Variants in PCNT observed in about 807,000 individuals in gnomAD.
PCNT encodes the protein pericentrin.
In PCNT, 319 loss-of-function variants were observed where a neutral mutation model predicts 380.4. That is an observed-to-expected ratio of 0.84 (90% confidence interval 0.77 to 0.92). The LOEUF is 0.92. Among genes scored for constraint, PCNT ranks in the 40% least tolerant of loss-of-function variants. The pLI, the probability that PCNT is intolerant of heterozygous loss-of-function variation, is 0.00. For synonymous variants in PCNT, 1,845 were observed against 1,735.2 expected, an observed-to-expected ratio of 1.06 and a Z score of -1.57; for missense variants, 4,400 against 4,255.3, an observed-to-expected ratio of 1.03 and a Z score of -0.95.
In PCNT at chr21:46,363,575, G is replaced by T. The variant is rs749527537; in HGVS notation, c.2250G>T (p.Thr750=). The T allele has an allele frequency of 1.4e-5, 22 of 1,614,144 alleles. No homozygotes were observed. The Admixed American group carries it at 3.0e-4, about 22-fold the overall frequency. The change falls in exon 14 of 47, where the codon ACG becomes ACT. Residue 750 remains threonine (T), a synonymous_variant. Transcript: ENST00000359568. ...AACAGGAATTCCAAAGAAAAGAAAC[G>T]GACTGGAAAGTTATGAAGGAGGAGC... ...LMKQEFQRKE[T]DWKVMKEELQ...
Position 46,355,475 on chromosome 21 carries a change from G to C in PCNT, c.1785G>C (p.Ala595=), listed in dbSNP as rs887014065. 2.5e-6 allele frequency: 4 copies of C among 1,613,870 alleles called. No individual in the cohort carries two copies. Among genetic ancestry groups the C allele is most frequent in the Non-Finnish European group, 3.4e-6 (4 of 1,180,022 alleles). Residue 595 remains alanine (A), a synonymous_variant, in exon 12 of 47, where the codon GCG becomes GCC. Transcript: ENST00000359568. ...RHKESLPRFQ[A]ELEESHRHQL... ...AGGAGAGCCTGCCACGCTTCCAGGCGGAGTTAGAAGAAAGCCACAGGCACC... is the reference window on the plus strand; with the variant it reads ...AGGAGAGCCTGCCACGCTTCCAGGCCGAGTTAGAAGAAAGCCACAGGCACC...
chr21:46,325,141 C>T (rs2083331794), intron 1 of PCNT: 3 of 985,530 alleles, frequency 3.0e-6, no homozygotes, highest in Non-Finnish European at 2.4e-6. Flanking sequence ...GAGCCCATGA[C>T]TCGGGGGCAG....
chr21:46,375,902 C>T (rs1053129093), intron 15 of PCNT, among the ~76,000 whole-genome samples: 3 of 152,230 alleles, frequency 2.0e-5, no homozygotes, highest in Non-Finnish European at 4.4e-5. Context: ...CCCCTGGGTG[C>T]GAGGCGGTAC....
At chr21:46,363,053 G>A (rs1004963846) in intron 13 of PCNT, among the ~76,000 whole-genome samples, 47 of 152,176 alleles carry the variant, frequency 3.1e-4, no homozygotes, top group African/African-American at 9.6e-4. Flanking sequence ...CTGGGCATCC[G>A]ATCATGCTTG....
At chr21:46,428,669 G>A in intron 35 of PCNT, 79 bp downstream of exon 35, 1 of 1,278,694 alleles carries the variant, frequency 7.8e-7, no homozygotes, top group Non-Finnish European at 1.1e-6. Context: ...GGCCTTGGGA[G>A]CAGAGGGTGG....
intron 1 of PCNT, among the ~76,000 whole-genome samples, chr21:46,324,537 G>T (rs1270614624): frequency 2.7e-5 from 3 of 111,878 alleles, no homozygotes; most frequent in Non-Finnish European, 5.7e-5. Context: ...CCTCTCGGGC[G>T]GGCCGGGGCG....
Position 46,445,533 on chromosome 21 carries a change from T to A in PCNT, c.*206T>A. On this transcript the variant is annotated 3_prime_UTR_variant, in exon 47 of 47. Transcript: ENST00000359568. ...GCATTTTCTATGGAGCCTCCGTATG[T>A]TTTAGGCCCATGACCTTCGTGAGGT... 1 of 610,108 alleles carries A rather than the reference T, an allele frequency of 1.6e-6. No individual in the cohort carries two copies. The highest frequency in any genetic ancestry group is 2.9e-6 in the Non-Finnish European group (1 of 341,246). 37.8% of individuals were successfully genotyped at this position (610,108 alleles called of 1,614,324 possible).
At chr21:46,354,178 G>T in intron 11 of PCNT, 110 bp downstream of exon 11, 1 of 993,658 alleles carries the variant, frequency 1.0e-6, no homozygotes, top group Non-Finnish European at 1.6e-6. Flanking sequence ...CTTGTCCAGG[G>T]GAGGAAGGCT....
Position 46,388,859 on chromosome 21 carries a change from G to T in PCNT, c.3582G>T (p.Ala1194=), listed in dbSNP as rs770777453. ...GERVGLCLDD[A]GAGLALSTAP... is the part of the protein sequence containing the mutation. Reference sequence around the variant, plus strand: ...GCGTGGGGCTCTGCCTGGATGACGCGGGCGCAGGCCTGGCCCTGTCGACAG... The same window carrying T: ...GCGTGGGGCTCTGCCTGGATGACGCTGGCGCAGGCCTGGCCCTGTCGACAG... Residue 1194 remains alanine (A), a synonymous_variant, in exon 18 of 47, where the codon GCG becomes GCT. Coordinates refer to ENST00000359568, the MANE Select transcript of PCNT (RefSeq NM_006031.6). This position sits in a 1 kb window ranked among gnomAD's most constrained non-coding sequence, Gnocchi z 4.2. 3.1e-6 allele frequency: 5 copies of T among 1,608,242 alleles called. No individual in the cohort carries two copies. Among genetic ancestry groups the T allele is most frequent in the South Asian group, 1.1e-5 (1 of 90,910 alleles).
intron 15 of PCNT, among the ~76,000 whole-genome samples, chr21:46,380,362 A>G (rs550020245): frequency 2.7e-5 from 4 of 145,566 alleles, no homozygotes; most frequent in African/African-American, 1.1e-4. Flanking sequence ...GGGTTTCACC[A>G]TGTTAGCCAG....
intron 9 of PCNT, 71 bp downstream of exon 9, chr21:46,351,611 A>G (rs186972956): frequency 6.0e-5 from 56 of 927,816 alleles, no homozygotes; most frequent in Non-Finnish European, 8.8e-5. Flanking sequence ...TTGTAACACC[A>G]AGCCAGAATT....
intron 13 of PCNT, among the ~76,000 whole-genome samples, chr21:46,361,281 C>T (rs1050318723): frequency 3.3e-5 from 5 of 152,198 alleles, no homozygotes; most frequent in Admixed American, 6.5e-5. Context: ...ATCCCAGCTA[C>T]TCGGGGGCCT....
chr21:46,436,303 G>A lies in PCNT; in HGVS notation c.8996+155G>A, dbSNP rs1049458117. Among the ~76,000 whole-genome samples the A allele has an allele frequency of 2.6e-5, 4 of 152,200 alleles. No homozygotes were observed. In the South Asian group the frequency reaches 6.2e-4, roughly 24 times the overall value. Reference sequence around the variant, plus strand: ...TTCTGAGACTTTGCTGAGGGATTCCGGATTGGCAAGATGGCATGTTCATAT... The same window carrying A: ...TTCTGAGACTTTGCTGAGGGATTCCAGATTGGCAAGATGGCATGTTCATAT... On this transcript the variant is annotated intron_variant, in intron 39 of 46. Transcript: ENST00000359568.
intron 29 of PCNT, among the ~76,000 whole-genome samples, chr21:46,413,994 CTTTTT>C (rs5844268): frequency 7.2e-6 from 1 of 139,026 alleles, no homozygotes. Flanking sequence ...TTTTTTCTCT[CTTTTT>C]TTTTTTTTTT....
At chr21:46,346,299 C>G (rs2084065283) in intron 4 of PCNT, 91 bp downstream of exon 4, 1 of 667,686 alleles carries the variant, frequency 1.5e-6, no homozygotes, top group Non-Finnish European at 2.7e-6. Flanking sequence ...GGGGTGGGCG[C>G]TGCCATCTCC....
At chr21:46,342,983 T>C (rs1015779956) in intron 3 of PCNT, among the ~76,000 whole-genome samples, 2 of 152,200 alleles carry the variant, frequency 1.3e-5, no homozygotes, top group Admixed American at 6.6e-5. Context: ...ACTTTTGGGG[T>C]ATAGCAGTGC....
chr21:46,351,428 G>A lies in PCNT; in HGVS notation c.1345-1G>A. 6.3e-7 allele frequency: 1 copy of A among 1,580,538 alleles called. No homozygotes were observed. Among genetic ancestry groups the A allele is most frequent in the Non-Finnish European group, 8.7e-7 (1 of 1,149,364 alleles). On this transcript the variant is annotated splice_acceptor_variant, in intron 8 of 46. Coordinates refer to ENST00000359568, the MANE Select transcript of PCNT (RefSeq NM_006031.6). LOFTEE classifies it high-confidence loss of function. Reference sequence around the variant, plus strand: ...TCACCTGGACACTTTGCTTTTTCCAGTTAGAGAATCTTCAAGCATCATATG... The same window carrying A: ...TCACCTGGACACTTTGCTTTTTCCAATTAGAGAATCTTCAAGCATCATATG...
Position 46,353,717 on chromosome 21 carries a change from T to G in PCNT, c.1680-270T>G, listed in dbSNP as rs1428206777. Among the ~76,000 whole-genome samples, 68 of 65,172 alleles carry G rather than the reference T, an allele frequency of 1.0e-3. No individual in the cohort carries two copies. The South Asian group carries it at 0.032, about 30-fold the overall frequency. 42.8% of individuals were successfully genotyped at this position (65,172 alleles called of 152,430 possible). A position where few individuals can be genotyped will look rare whatever the true frequency, so the allele number is the denominator to read the frequency against. ...GGTGGCAGGGGCACTCTCCTCCAGGTGTGTGTGTGTGTGTGTGTGTGTGTG... is the reference window on the plus strand; with the variant it reads ...GGTGGCAGGGGCACTCTCCTCCAGGGGTGTGTGTGTGTGTGTGTGTGTGTG... On this transcript the variant is annotated intron_variant, in intron 10 of 46. Transcript: ENST00000359568.
intron 41 of PCNT, 44 bp downstream of exon 41, chr21:46,438,381 CCATGG>C: frequency 2.5e-6 from 4 of 1,584,584 alleles, no homozygotes; most frequent in Non-Finnish European, 3.5e-6. Context: ...GCCTAACCCA[CCATGG>C]TCCAGAGCAG....
Sources: gnomAD v4.1 joint callset for allele counts (sites outside exome capture counted in the v4.1 genomes callset) on GRCh38, gnomAD v4.1.1 for gene constraint, Gnocchi (gnomAD v3.1) non-coding constraint, MANE v1.5 for transcripts, NCBI Gene and HGNC (gene_info 2026-07-23, HGNC 2026-07-21) for gene names.